The following TMPRSS4 variants were observed in gnomAD, a reference collection of about 807,000 sequenced individuals.
TMPRSS4 encodes transmembrane serine protease 4, also known as transmembrane protease serine 4.
TMPRSS4 carries 45 observed loss-of-function variants against 56.4 expected under a neutral mutation model. That is an observed-to-expected ratio of 0.80 (90% confidence interval 0.63 to 1.02). The LOEUF (loss-of-function observed/expected upper bound fraction) is 1.02. Among genes scored for constraint, TMPRSS4 ranks in the 50% least tolerant of loss-of-function variants. The pLI is 0.00. For missense variants in TMPRSS4, 546 were observed against 556.7 expected (o/e 0.98, Z 0.19); for synonymous variants, 205 against 211.0 (o/e 0.97, Z 0.25).
chr11:118,078,013 C>CAAAAAAAAAAAAAA (rs148383275), intron 1 of TMPRSS4, among the ~76,000 whole-genome samples: 2 of 71,050 alleles, frequency 2.8e-5, no homozygotes, highest in African/African-American at 1.1e-4. Context: ...AACTCCGTCT[C>CAAAAAAAAAAAAAA]AAAAAAAAAA....
chr11:118,079,262 G>A (rs1031056832), intron 1 of TMPRSS4, among the ~76,000 whole-genome samples: 1 of 152,106 alleles, frequency 6.6e-6, no homozygotes, highest in African/African-American at 2.4e-5. Flanking sequence ...GCCCTGAGGG[G>A]AGGATGGGAT....
At chr11:118,102,997 C>T (rs1946793361) in intron 3 of TMPRSS4, 104 bp from the exon 4 acceptor site, 7 of 1,465,794 alleles carry the variant, frequency 4.8e-6, no homozygotes, top group South Asian at 1.3e-5. Context: ...GGAACTCACA[C>T]ATGCGTGTCT....
chr11:118,091,367 C>T (rs755510545), intron 1 of TMPRSS4, among the ~76,000 whole-genome samples: 18 of 152,152 alleles, frequency 1.2e-4, no homozygotes, highest in Non-Finnish European at 2.4e-4. Context: ...CAAGATCCTC[C>T]GTAACCATCC....
Position 118,121,797 on chromosome 11 carries a change from C to A in TMPRSS4, c.*3884C>A, listed in dbSNP as rs1947801013. ...ATAATACTAGCTAGTTAAAATTTGA[C>A]CAAGAAGTTTCCATTGTGGGTTAAT... On this transcript the variant is annotated 3_prime_UTR_variant, in exon 13 of 13. Transcript: ENST00000437212. 1 of 151,898 alleles carries A rather than the reference C, an allele frequency of 6.6e-6. No homozygotes were observed. The highest frequency in any genetic ancestry group is 2.4e-5 in the African/African-American group (1 of 41,346). The allele number at this position is 151,898 out of a possible 1,614,324, so 9.4% of individuals were successfully genotyped here.
chr11:118,113,919 T>G (rs1299393503), intron 9 of TMPRSS4, among the ~76,000 whole-genome samples: 1 of 152,144 alleles, frequency 6.6e-6, no homozygotes, highest in Non-Finnish European at 1.5e-5. Context: ...TGAAATGTAT[T>G]TAGATCAGGA....
chr11:118,077,700 T>A (rs977474088), intron 1 of TMPRSS4, among the ~76,000 whole-genome samples: 3 of 152,186 alleles, frequency 2.0e-5, no homozygotes, highest in Non-Finnish European at 4.4e-5. Flanking sequence ...CTGGGGAAAC[T>A]GATTCCTTTT....
At chr11:118,091,768 C>T (rs1945982406) in intron 1 of TMPRSS4, among the ~76,000 whole-genome samples, 1 of 152,166 alleles carries the variant, frequency 6.6e-6, no homozygotes, top group Non-Finnish European at 1.5e-5. Flanking sequence ...GATGAAAGGA[C>T]TTTGTAAACT....
At chr11:118,092,441 C>G (rs1946033743) in intron 1 of TMPRSS4, among the ~76,000 whole-genome samples, 1 of 152,216 alleles carries the variant, frequency 6.6e-6, no homozygotes, top group South Asian at 2.1e-4. Context: ...GAGCTGTCTT[C>G]TTGCGCTCAG....
chr11:118,079,947 C>T (rs916155815), intron 1 of TMPRSS4, among the ~76,000 whole-genome samples: 15 of 152,170 alleles, frequency 9.9e-5, no homozygotes, highest in African/African-American at 3.6e-4. Flanking sequence ...GCTTGCTTTG[C>T]CTGCTCTCCT....
At position 118,117,974 on chromosome 11, in the gene TMPRSS4, C is replaced by A; in HGVS notation, c.*61C>A. The stretch of plus-strand genomic sequence containing the variant: ...CTTCCTGCCCTGCCCACCTGGGGAT[C>A]CCCCAAAGTCAGACACAGAGCAAGA... On this transcript the variant is annotated 3_prime_UTR_variant, in exon 13 of 13. Transcript: ENST00000437212. The A allele has an allele frequency of 3.1e-6, 5 of 1,611,526 alleles. No homozygotes were observed. Among genetic ancestry groups the A allele is most frequent in the Non-Finnish European group, 4.2e-6 (5 of 1,179,912 alleles).
intron 6 of TMPRSS4, chr11:118,108,441 A>AT (rs1947108108): frequency 5.6e-6 from 1 of 179,140 alleles, no homozygotes; most frequent in Non-Finnish European, 1.2e-5. Context: ...AGGGCCGCTT[A>AT]TTCACCGAAA....
In TMPRSS4 at chr11:118,115,139, G is replaced by A. The variant is rs1173419237; in HGVS notation, c.1011G>A (p.Gly337=). The A allele has an allele frequency of 5.6e-6, 9 of 1,609,936 alleles. No homozygotes were observed. Among genetic ancestry groups the A allele is most frequent in the Non-Finnish European group, 7.6e-6 (9 of 1,178,604 alleles). ...ATGTGAGTGTTTTTACCCTCCCAGG[G>A]AAGATGTCTGACATACTGCTGCAGG... The part of the protein sequence containing the change: ...IGWGFTKQNG[G]KMSDILLQAS... Residue 337 remains glycine, a splice_region_variant and synonymous_variant, in exon 11 of 13, where the codon GGG becomes GGA. Transcript: ENST00000437212.
intron 12 of TMPRSS4, 86 bp downstream of exon 12, chr11:118,117,540 TG>T: frequency 6.5e-7 from 1 of 1,530,242 alleles, no homozygotes; most frequent in Non-Finnish European, 8.8e-7. Context: ...TTGATTTAAA[TG>T]GTTCTGACAA....
intron 1 of TMPRSS4, chr11:118,088,149 T>C (rs958209223): frequency 3.3e-5 from 5 of 152,158 alleles, no homozygotes; most frequent in Admixed American, 1.3e-4. Context: ...CCTGAAACCA[T>C]GGGGAAATGA....
At chr11:118,093,467 T>C (rs80317529) in intron 1 of TMPRSS4, among the ~76,000 whole-genome samples, 98 of 152,348 alleles carry the variant, frequency 6.4e-4, no homozygotes, top group Non-Finnish European at 1.1e-3. Context: ...ATGCTCCTTT[T>C]AACCTTTGCC....
chr11:118,103,218 G>A lies in TMPRSS4; in HGVS notation c.275G>A (p.Cys92Tyr), dbSNP rs1160841862. The change falls in exon 4 of 13, where the codon TGT becomes TAT. Residue 92 changes from cysteine to tyrosine, a missense_variant. Cys to Tyr is a radical substitution (Grantham distance 194). Coordinates refer to ENST00000437212, the MANE Select transcript of TMPRSS4 (RefSeq NM_019894.4). ...CCCTTGGGGGAGGACGAGGAGCACT[G>A]TGTCAAGAGCTTCCCCGAAGGGCCT... ...DCPLGEDEEH[C>Y]VKSFPEGPAV... The A allele has an allele frequency of 6.2e-7, 1 of 1,614,186 alleles. No individual in the cohort carries two copies. Among genetic ancestry groups the A allele is most frequent in the Non-Finnish European group, 8.5e-7 (1 of 1,180,036 alleles).
intron 1 of TMPRSS4, among the ~76,000 whole-genome samples, chr11:118,089,653 G>A (rs990857427): frequency 6.6e-6 from 1 of 152,102 alleles, no homozygotes; most frequent in Middle Eastern, 3.2e-3. Context: ...TAGAGCAAGT[G>A]TCTTTCGTTT....
At position 118,111,843 on chromosome 11, in the gene TMPRSS4, T is replaced by C. The variant is rs770295321; in HGVS notation, c.686T>C (p.Val229Ala). Residue 229 changes from valine (V) to alanine (A), a missense_variant, in exon 8 of 13, where the codon GTC becomes GCC. Physicochemically the swap from Val to Ala is moderately conservative, Grantham distance 64. Coordinates refer to ENST00000437212, the MANE Select transcript of TMPRSS4 (RefSeq NM_019894.4). Reference sequence around the variant, plus strand: ...AGCATCCAGTACGACAAACAGCACGTCTGTGGAGGGAGCATCCTGGACCCC... The same window carrying C: ...AGCATCCAGTACGACAAACAGCACGCCTGTGGAGGGAGCATCCTGGACCCC... Reference protein sequence around the residue: ...QVSIQYDKQHVCGGSILDPHW... With the variant: ...QVSIQYDKQHACGGSILDPHW... 14 of 1,609,022 alleles carry C rather than the reference T, an allele frequency of 8.7e-6. No homozygotes were observed. The highest frequency in any genetic ancestry group is 1.0e-5 in the Non-Finnish European group (12 of 1,177,972).
At chr11:118,079,261 G>A (rs1237364917) in intron 1 of TMPRSS4, among the ~76,000 whole-genome samples, 2 of 152,082 alleles carry the variant, frequency 1.3e-5, no homozygotes, top group African/African-American at 4.8e-5. Flanking sequence ...AGCCCTGAGG[G>A]GAGGATGGGA....
Sources: gnomAD v4.1 joint callset for allele counts (sites outside exome capture counted in the v4.1 genomes callset) on GRCh38, gnomAD v4.1.1 for gene constraint, MANE v1.5 for transcripts, NCBI Gene and HGNC (gene_info 2026-07-23, HGNC 2026-07-21) for gene names.